The following NAA35 variants were observed in gnomAD, a reference collection of about 807,000 sequenced individuals.
The protein encoded by NAA35 is MAK10 homolog, amino-acid N-acetyltransferase subunit.
Under a neutral mutation model 101.7 loss-of-function variants are expected in NAA35, and 18 were observed. The observed-to-expected ratio is 0.18, with a 90% CI of 0.12 to 0.26. The LOEUF (loss-of-function observed/expected upper bound fraction) is 0.26. NAA35 is among the 10% of genes least tolerant of loss of function. NAA35 has a pLI of 1.00. For synonymous variants in NAA35, 267 were observed against 273.1 expected, an observed-to-expected ratio of 0.98 and a Z score of 0.22; for missense variants, 601 against 886.8, an observed-to-expected ratio of 0.68 and a Z score of 4.09.
At chr9:86,018,935 C>T in intron 21 of NAA35, 114 bp downstream of exon 21, 3 of 1,322,800 alleles carry the variant, frequency 2.3e-6, no homozygotes, top group Non-Finnish European at 3.1e-6. Flanking sequence ...GTGAATAGAA[C>T]TTGGCGTGTT....
intron 2 of NAA35, among the ~76,000 whole-genome samples, chr9:85,947,262 A>G (rs1828810487): frequency 6.6e-6 from 1 of 152,162 alleles, no homozygotes; most frequent in Non-Finnish European, 1.5e-5. Context: ...TATCATTGAA[A>G]TGATTATATA....
At chr9:85,959,157 A>G (rs1829400425) in intron 4 of NAA35, among the ~76,000 whole-genome samples, 2 of 152,104 alleles carry the variant, frequency 1.3e-5, no homozygotes, top group Admixed American at 1.3e-4. Flanking sequence ...TGGGTGGATC[A>G]CGAGGTCAGG....
intron 22 of NAA35, among the ~76,000 whole-genome samples, 162 bp downstream of exon 22, chr9:86,021,131 CTT>C (rs1414552222): frequency 6.6e-5 from 10 of 152,146 alleles, no homozygotes; most frequent in Admixed American, 5.9e-4. Flanking sequence ...GCCATTTTGT[CTT>C]GAGATGTGTA....
chr9:85,978,522 T>A lies in NAA35; in HGVS notation c.877+141T>A, dbSNP rs1306443842. ...CCAGAGACTTACAGTGTTTAGGCTC[T>A]TCTCTGTAAATATATACTAGACTAA... is the stretch of plus-strand genomic sequence containing the variant. On this transcript the variant is annotated intron_variant, in intron 11 of 22. Transcript: ENST00000361671. 2.3e-5 allele frequency: 14 copies of A among 599,282 alleles called. No individual in the cohort carries two copies. In the East Asian group the frequency reaches 3.8e-4, roughly 16 times the overall value. 37.1% of individuals were successfully genotyped at this position (599,282 alleles called of 1,614,324 possible). A position where few individuals can be genotyped will look rare whatever the true frequency, so the allele number is the denominator to read the frequency against.
At chr9:85,993,565 G>A (rs547327226) in intron 11 of NAA35, among the ~76,000 whole-genome samples, 4 of 152,306 alleles carry the variant, frequency 2.6e-5, no homozygotes, top group African/African-American at 9.6e-5. Flanking sequence ...TTTCGGGGTG[G>A]TAAAAACGTT....
chr9:86,006,300 C>T (rs976230068), intron 13 of NAA35, among the ~76,000 whole-genome samples: 25 of 152,148 alleles, frequency 1.6e-4, no homozygotes, highest in African/African-American at 5.6e-4. Context: ...GCTCACACTC[C>T]TAGTTGATTG....
chr9:85,969,859 TAAAA>T (rs76512245), intron 6 of NAA35, among the ~76,000 whole-genome samples: 1 of 134,816 alleles, frequency 7.4e-6, no homozygotes, highest in Non-Finnish European at 1.6e-5. Flanking sequence ...CTCTGTCTCT[TAAAA>T]AAAAAAAAAA....
chr9:85,976,881 G>T, intron 9 of NAA35, 146 bp downstream of exon 9: 1 of 576,460 alleles, frequency 1.7e-6, no homozygotes. Context: ...TATTTCCCTT[G>T]TATTTATTTT....
chr9:86,022,250 G>A lies in NAA35; in HGVS notation c.*290G>A, dbSNP rs1333406769. On this transcript the variant is annotated 3_prime_UTR_variant, in exon 23 of 23. Coordinates refer to ENST00000361671, the MANE Select transcript of NAA35 (RefSeq NM_024635.4). ...CAAATCATTTTTTATGAATGATTGA[G>A]TGAAAATAGTGTTTATAAAGGTTAA... The A allele has an allele frequency of 4.1e-6, 1 of 243,548 alleles. No homozygotes were observed. The highest frequency in any genetic ancestry group is 7.7e-6 in the Non-Finnish European group (1 of 129,560). The allele number at this position is 243,548 out of a possible 1,614,324, so 15.1% of individuals were successfully genotyped here.
intron 11 of NAA35, among the ~76,000 whole-genome samples, chr9:85,987,812 A>G (rs1015696631): frequency 1.3e-5 from 2 of 152,264 alleles, no homozygotes; most frequent in African/African-American, 4.8e-5. Context: ...TTCTTAGTGT[A>G]AACATAAGTA....
At chr9:86,007,558 T>C (rs1468101691) in intron 14 of NAA35, 94 bp downstream of exon 14, 17 of 839,934 alleles carry the variant, frequency 2.0e-5, no homozygotes, top group Middle Eastern at 2.3e-4. Flanking sequence ...AGTATCAAAA[T>C]TGGGACCAAA....
intron 22 of NAA35, 134 bp from the exon 23 acceptor site, chr9:86,021,763 TAACC>T: frequency 2.9e-6 from 2 of 688,038 alleles, no homozygotes; most frequent in Non-Finnish European, 2.4e-6. Flanking sequence ...TTTTTGTCAT[TAACC>T]TAGTTTTTAA....
chr9:85,958,718 G>T (rs1465437270), intron 4 of NAA35, 132 bp downstream of exon 4: 1 of 512,540 alleles, frequency 2.0e-6, no homozygotes, highest in Non-Finnish European at 3.3e-6. Flanking sequence ...ATATAAACAA[G>T]AATTAGTTAT....
At chr9:85,954,710 T>A (rs1448004612) in intron 2 of NAA35, among the ~76,000 whole-genome samples, 1 of 152,202 alleles carries the variant, frequency 6.6e-6, no homozygotes, top group African/African-American at 2.4e-5. Flanking sequence ...GTGCTGAAGC[T>A]GCAGCAGTTT....
chr9:86,002,408 G>A (rs1265637153), intron 12 of NAA35, among the ~76,000 whole-genome samples: 3 of 152,158 alleles, frequency 2.0e-5, no homozygotes, highest in African/African-American at 7.2e-5. Context: ...GGCTTCTCTA[G>A]CAAAGTTGGG....
chr9:86,002,175 T>C (rs1831442195), intron 12 of NAA35, among the ~76,000 whole-genome samples: 1 of 152,158 alleles, frequency 6.6e-6, no homozygotes, highest in African/African-American at 2.4e-5. Flanking sequence ...TTTAAAAGAA[T>C]GTTGAATATA....
At chr9:85,978,153 C>A (rs1830292591) in intron 10 of NAA35, 114 bp from the exon 11 acceptor site, 3 of 679,136 alleles carry the variant, frequency 4.4e-6, no homozygotes, top group Non-Finnish European at 5.2e-6. Context: ...TTATGAAAAC[C>A]AATGTCATTA....
At chr9:86,009,695 CATA>C (rs1411319266) in intron 14 of NAA35, among the ~76,000 whole-genome samples, 167 bp from the exon 15 acceptor site, 1 of 152,156 alleles carries the variant, frequency 6.6e-6, no homozygotes, top group East Asian at 1.9e-4. Context: ...GTGTGAATTA[CATA>C]ATAATTGTAA....
At position 85,943,522 on chromosome 9, in the gene NAA35, A is replaced by G. The variant is rs373769184; in HGVS notation, c.124+1239A>G. ...AGGGAGCCAGCTGTGTATAAGCAAA[A>G]TGATAAATCATGTGCCATCCTTTGT... On this transcript the variant is annotated intron_variant, in intron 2 of 22. Coordinates refer to ENST00000361671, the MANE Select transcript of NAA35 (RefSeq NM_024635.4). Among the ~76,000 whole-genome samples the G allele has an allele frequency of 3.9e-5, 6 of 152,160 alleles. No individual in the cohort carries two copies. In the South Asian group the frequency reaches 8.3e-4, roughly 21 times the overall value.
Sources: allele counts gnomAD v4.1 joint callset (sites outside exome capture counted in the v4.1 genomes callset), GRCh38; gene constraint gnomAD v4.1.1; transcripts MANE v1.5; gene names NCBI Gene and HGNC (gene_info 2026-07-23, HGNC 2026-07-21).